Variants in ZCCHC7 observed in about 807,000 individuals in gnomAD.
ZCCHC7 encodes zinc finger CCHC domain-containing protein 7.
ZCCHC7 carries 35 observed loss-of-function variants against 52.0 expected under a neutral mutation model. That is an observed-to-expected ratio of 0.67 (90% CI 0.51 to 0.89). ZCCHC7 has a LOEUF of 0.89. Among genes scored for constraint, ZCCHC7 ranks in the 40% least tolerant of loss-of-function variants. The pLI is 0.00. For missense variants in ZCCHC7, 574 were observed against 649.1 expected (o/e 0.88, Z 1.26); for synonymous variants, 217 against 221.5 (o/e 0.98, Z 0.18).
chr9:37,201,549 T>A (rs1177573681), intron 2 of ZCCHC7, among the ~76,000 whole-genome samples: 1 of 152,188 alleles, frequency 6.6e-6, no homozygotes, highest in African/African-American at 2.4e-5. Flanking sequence ...TTTGTGTTCA[T>A]CAAAAACACA....
chr9:37,126,858 TG>T lies in ZCCHC7; in HGVS notation c.528del (p.Trp176Ter). 1 of 1,614,166 alleles carries T rather than the reference TG, an allele frequency of 6.2e-7. No homozygotes were observed. The highest frequency in any genetic ancestry group is 2.2e-5 in the East Asian group (1 of 44,866). ...TTCAGAAGGTGATAATGTGGAAAGC[TG>T]GATGCTACTGGGATGTGAAGTAGAT... is the stretch of plus-strand genomic sequence containing the variant. ...TISEGDNVES[W>X]MLLGCEVDDK... On this transcript the variant is annotated frameshift_variant, in exon 2 of 9. Coordinates refer to ENST00000336755, the MANE Select transcript of ZCCHC7 (RefSeq NM_032226.3). LOFTEE classifies it high-confidence loss of function.
At chr9:37,258,889 G>A (rs1259083575) in intron 2 of ZCCHC7, among the ~76,000 whole-genome samples, 1 of 151,768 alleles carries the variant, frequency 6.6e-6, no homozygotes, top group Non-Finnish European at 1.5e-5. Context: ...TTAAGATCAG[G>A]ATTGTAGGAT....
intron 1 of ZCCHC7, among the ~76,000 whole-genome samples, chr9:37,123,158 A>T (rs1287101876): frequency 6.6e-6 from 1 of 151,456 alleles, no homozygotes; most frequent in African/African-American, 2.4e-5. Flanking sequence ...ATGTACAGGG[A>T]TAAAAAAGCT....
chr9:37,267,626 G>A (rs535222270), intron 2 of ZCCHC7, among the ~76,000 whole-genome samples: 49 of 143,760 alleles, frequency 3.4e-4, no homozygotes, highest in African/African-American at 6.0e-4. Context: ...CTGGAGTGCC[G>A]TGGCATGATC....
chr9:37,121,057 A>G (rs757400297), intron 1 of ZCCHC7, among the ~76,000 whole-genome samples: 2 of 152,164 alleles, frequency 1.3e-5, no homozygotes, highest in Non-Finnish European at 2.9e-5. Flanking sequence ...CAGAAGCAGC[A>G]GCTGCAGCAG....
At chr9:37,295,080 C>T (rs574498853) in intron 2 of ZCCHC7, among the ~76,000 whole-genome samples, 1 of 152,170 alleles carries the variant, frequency 6.6e-6, no homozygotes, top group African/African-American at 2.4e-5. Flanking sequence ...CAGTTAAGTC[C>T]AGATATTACA....
intron 5 of ZCCHC7, among the ~76,000 whole-genome samples, chr9:37,325,646 T>C (rs758451253): frequency 6.6e-6 from 1 of 152,162 alleles, no homozygotes; most frequent in Admixed American, 6.5e-5. Flanking sequence ...TACATAGATA[T>C]AAATAAAGAT....
intron 5 of ZCCHC7, among the ~76,000 whole-genome samples, chr9:37,325,761 T>C (rs2118111918): frequency 6.6e-6 from 1 of 152,322 alleles, no homozygotes. Context: ...AAACTATGCA[T>C]GAGAATGTTG....
intron 6 of ZCCHC7, among the ~76,000 whole-genome samples, chr9:37,331,432 G>A (rs1439728864): frequency 6.6e-6 from 1 of 151,576 alleles, no homozygotes; most frequent in Non-Finnish European, 1.5e-5. Flanking sequence ...GTTTTATACT[G>A]AGTGAGAATG....
chr9:37,159,681 C>T (rs1180491993), intron 2 of ZCCHC7, among the ~76,000 whole-genome samples: 27 of 152,176 alleles, frequency 1.8e-4, no homozygotes, highest in Admixed American at 1.8e-3. Context: ...GTTCCTATAA[C>T]ATTTGCTCTT....
intron 2 of ZCCHC7, among the ~76,000 whole-genome samples, chr9:37,301,511 G>A (rs1829028932): frequency 6.6e-6 from 1 of 152,052 alleles, no homozygotes; most frequent in African/African-American, 2.4e-5. Flanking sequence ...GATGTGGGAG[G>A]ATTGCTTAAG....
At chr9:37,213,090 A>G (rs946189708) in intron 2 of ZCCHC7, among the ~76,000 whole-genome samples, 3 of 152,192 alleles carry the variant, frequency 2.0e-5, no homozygotes, top group African/African-American at 7.2e-5. Flanking sequence ...TTGCAAATAC[A>G]TGTATACTTT....
intron 2 of ZCCHC7, among the ~76,000 whole-genome samples, chr9:37,184,117 A>G (rs1243994191): frequency 1.3e-5 from 2 of 152,220 alleles, no homozygotes; most frequent in Non-Finnish European, 2.9e-5. Flanking sequence ...TTATGCTGAC[A>G]TTCACACTTG....
chr9:37,218,668 G>T (rs1426083231), intron 2 of ZCCHC7, among the ~76,000 whole-genome samples: 1 of 152,162 alleles, frequency 6.6e-6, no homozygotes, highest in East Asian at 1.9e-4. Flanking sequence ...AATTAGCTGG[G>T]CGTGGTGGCG....
chr9:37,354,712 A>G lies in ZCCHC7; in HGVS notation c.1086A>G (p.Glu362=). The G allele has an allele frequency of 6.2e-7, 1 of 1,601,938 alleles. No homozygotes were observed. Among genetic ancestry groups the G allele is most frequent in the South Asian group, 1.1e-5 (1 of 90,466 alleles). Residue 362 remains glutamate (E), a splice_region_variant and synonymous_variant, in exon 8 of 9, where the codon GAA becomes GAG. Transcript: ENST00000336755. This position sits in a 1 kb window ranked among gnomAD's most constrained non-coding sequence, Gnocchi z 4.0. ...HCAQKGHYGH[E]CPEREVYDPS... is the part of the protein sequence containing the mutation. Reference sequence around the variant, plus strand: ...ATAATTTTACATACAATTTATAGGAATGTCCAGAAAGAGAAGTGTATGACC... The same window carrying G: ...ATAATTTTACATACAATTTATAGGAGTGTCCAGAAAGAGAAGTGTATGACC...
chr9:37,333,136 A>G (rs1023315310), intron 6 of ZCCHC7, among the ~76,000 whole-genome samples: 1 of 151,672 alleles, frequency 6.6e-6, no homozygotes, highest in Admixed American at 6.6e-5. Flanking sequence ...ATATATTTAG[A>G]TAATATCAAG....
At chr9:37,207,497 GTTTTTTT>G (rs3074709) in intron 2 of ZCCHC7, among the ~76,000 whole-genome samples, 1 of 94,142 alleles carries the variant, frequency 1.1e-5, no homozygotes, top group South Asian at 3.6e-4. Flanking sequence ...TTTCTCCAGA[GTTTTTTT>G]TTTTTTTTTT....
At chr9:37,210,881 A>G (rs1036581857) in intron 2 of ZCCHC7, among the ~76,000 whole-genome samples, 2 of 152,086 alleles carry the variant, frequency 1.3e-5, no homozygotes, top group African/African-American at 2.4e-5. Flanking sequence ...TTTGAAAGTC[A>G]CTCCATTTGT....
At chr9:37,309,851 C>T (rs915018200) in intron 5 of ZCCHC7, among the ~76,000 whole-genome samples, 2 of 150,592 alleles carry the variant, frequency 1.3e-5, no homozygotes, top group Non-Finnish European at 2.9e-5. Context: ...GAACCCAGGA[C>T]GCAGAGGTTT....
Sources: gnomAD v4.1 joint callset for allele counts (sites outside exome capture counted in the v4.1 genomes callset) on GRCh38, gnomAD v4.1.1 for gene constraint, Gnocchi (gnomAD v3.1) non-coding constraint, MANE v1.5 for transcripts, NCBI Gene and HGNC (gene_info 2026-07-23, HGNC 2026-07-21) for gene names.